LRRTM4: variants seen among roughly 807,000 people sequenced by gnomAD.
The protein encoded by LRRTM4 is leucine rich repeat transmembrane neuronal 4, also known as leucine-rich repeat transmembrane neuronal protein 4.
Under a neutral mutation model 47.6 loss-of-function variants are expected in LRRTM4, and 25 were observed. The ratio of observed to expected loss-of-function variants is 0.53; its 90% CI spans 0.38 to 0.73. LRRTM4 has a LOEUF of 0.73. Ranked by LOEUF, LRRTM4 falls within the 30% of genes least tolerant of loss-of-function variation. LRRTM4 has a pLI of 0.00. For synonymous variants in LRRTM4, 311 were observed against 269.5 expected (o/e 1.15, Z -1.51); for missense variants, 638 against 713.4 (o/e 0.89, Z 1.20).
At chr2:76,948,170 A>T (rs926326676) in intron 3 of LRRTM4, among the ~76,000 whole-genome samples, 3 of 151,868 alleles carry the variant, frequency 2.0e-5, no homozygotes, top group Non-Finnish European at 4.4e-5. Flanking sequence ...TCAATGACAA[A>T]AAAAGTAGGA....
intron 3 of LRRTM4, among the ~76,000 whole-genome samples, chr2:76,782,876 A>G (rs1249694859): frequency 6.6e-6 from 1 of 152,172 alleles, no homozygotes; most frequent in African/African-American, 2.4e-5. Flanking sequence ...TTAAATCGCT[A>G]TTGGGGAAGT....
intron 3 of LRRTM4, among the ~76,000 whole-genome samples, chr2:76,954,423 C>G (rs1039928415): frequency 1.3e-5 from 2 of 151,374 alleles, no homozygotes; most frequent in African/African-American, 4.9e-5. Flanking sequence ...GAAAAATTCA[C>G]TACAGTTTCT....
intron 3 of LRRTM4, among the ~76,000 whole-genome samples, chr2:77,477,928 AAAG>A (rs1677492532): frequency 8.7e-6 from 1 of 114,312 alleles, no homozygotes; most frequent in Non-Finnish European, 2.0e-5. Flanking sequence ...AGAAAGAAAG[AAAG>A]AAAGAAAGAA....
At chr2:77,521,943 G>C (rs940593174) in intron 1 of LRRTM4, 125 bp from the exon 2 acceptor site, 7 of 568,492 alleles carry the variant, frequency 1.2e-5, no homozygotes, top group African/African-American at 3.9e-5. Context: ...GAAGCCGTTG[G>C]GGGGATAGGG....
chr2:77,343,379 A>G (rs1215547885), intron 3 of LRRTM4, among the ~76,000 whole-genome samples: 1 of 151,994 alleles, frequency 6.6e-6, no homozygotes, highest in Admixed American at 6.6e-5. Context: ...GAATTAAAAC[A>G]TTAGGATTTC....
chr2:76,942,521 T>C (rs537956933), intron 3 of LRRTM4, among the ~76,000 whole-genome samples: 2 of 146,608 alleles, frequency 1.4e-5, no homozygotes, highest in Admixed American at 1.4e-4. Flanking sequence ...ATAAAAACAT[T>C]CTCAGAGTTT....
At chr2:77,049,155 T>TATATATATATAC (rs1553377463) in intron 3 of LRRTM4, among the ~76,000 whole-genome samples, 1 of 125,806 alleles carries the variant, frequency 7.9e-6, no homozygotes, top group Non-Finnish European at 1.6e-5. Flanking sequence ...TATATATATA[T>TATATATATATAC]ATACACACAC....
rs544013016 is a variant in LRRTM4, at chr2:76,975,992, T to C, written c.1552-227076A>G. On this transcript the variant is annotated intron_variant, in intron 3 of 3. Coordinates refer to ENST00000409884, the MANE Select transcript of LRRTM4 (RefSeq NM_001134745.3). ...TCTGGACTTAGGTTTTCTTCATTTC[T>C]TGCTTCTAATTCTTTGGGGAAATGG... is the stretch of plus-strand genomic sequence containing the variant. Among the ~76,000 whole-genome samples the C allele has an allele frequency of 5.4e-4, 82 of 151,988 alleles. No homozygotes were observed. The South Asian group carries it at 0.017, about 31-fold the overall frequency.
At chr2:77,050,088 T>A (rs1384902971) in intron 3 of LRRTM4, among the ~76,000 whole-genome samples, 1 of 151,526 alleles carries the variant, frequency 6.6e-6, no homozygotes, top group African/African-American at 2.4e-5. Flanking sequence ...GAGTACCCAA[T>A]AGGCTTCTAG....
intron 3 of LRRTM4, among the ~76,000 whole-genome samples, chr2:76,886,320 C>G (rs1411904984): frequency 6.6e-6 from 1 of 152,044 alleles, no homozygotes; most frequent in Non-Finnish European, 1.5e-5. Flanking sequence ...ATTAGACAAC[C>G]TTAAACTTGC....
intron 3 of LRRTM4, among the ~76,000 whole-genome samples, chr2:77,188,259 C>G (rs1446708581): frequency 6.6e-6 from 1 of 152,132 alleles, no homozygotes; most frequent in African/African-American, 2.4e-5. Flanking sequence ...TCTACTCCAC[C>G]TTTATTTGCT....
At chr2:77,162,513 G>T (rs1438838779) in intron 3 of LRRTM4, among the ~76,000 whole-genome samples, 1 of 152,178 alleles carries the variant, frequency 6.6e-6, no homozygotes, top group African/African-American at 2.4e-5. Flanking sequence ...GAGATGGACA[G>T]ACTGCCTCCT....
intron 3 of LRRTM4, among the ~76,000 whole-genome samples, chr2:77,394,094 T>G (rs1202075506): frequency 6.6e-6 from 1 of 151,964 alleles, no homozygotes; most frequent in Non-Finnish European, 1.5e-5. Context: ...TGTATTGTAA[T>G]GTAGCTGTAG....
At chr2:77,163,737 C>A (rs1480179844) in intron 3 of LRRTM4, among the ~76,000 whole-genome samples, 1 of 152,076 alleles carries the variant, frequency 6.6e-6, no homozygotes, top group Non-Finnish European at 1.5e-5. Context: ...ATAAATAAAA[C>A]CCTTTACAGA....
At chr2:77,059,111 C>T (rs1679702119) in intron 3 of LRRTM4, among the ~76,000 whole-genome samples, 1 of 152,092 alleles carries the variant, frequency 6.6e-6, no homozygotes, top group South Asian at 2.1e-4. Flanking sequence ...CTAAACTTGG[C>T]AATGGTTTTC....
chr2:77,461,942 A>G lies in LRRTM4; in HGVS notation c.1551+56376T>C, dbSNP rs183862384. On this transcript the variant is annotated intron_variant, in intron 3 of 3. Transcript: ENST00000409884. Reference sequence around the variant, plus strand: ...GCTCTTTCTGTATGTATTAATTAACATCAGTCAGTCCATAACACTTGAGCA... The same window carrying G: ...GCTCTTTCTGTATGTATTAATTAACGTCAGTCAGTCCATAACACTTGAGCA... Among the ~76,000 whole-genome samples the G allele has an allele frequency of 1.6e-3, 251 of 152,262 alleles. 3 individuals are homozygous for G. Among genetic ancestry groups the G allele is most frequent in the African/African-American group, 5.9e-3 (245 of 41,578 alleles).
At chr2:76,841,166 A>G (rs1164822730) in intron 3 of LRRTM4, among the ~76,000 whole-genome samples, 2 of 151,572 alleles carry the variant, frequency 1.3e-5, no homozygotes, top group Admixed American at 6.6e-5. Flanking sequence ...TCAGCAAGCT[A>G]TCGCAAGGAC....
At chr2:76,942,998 G>T (rs911092562) in intron 3 of LRRTM4, among the ~76,000 whole-genome samples, 4 of 151,982 alleles carry the variant, frequency 2.6e-5, no homozygotes, top group Admixed American at 6.6e-5. Flanking sequence ...CTATACAAAA[G>T]AACAAGAGCA....
intron 3 of LRRTM4, among the ~76,000 whole-genome samples, chr2:77,386,344 C>G (rs1158452958): frequency 6.6e-6 from 1 of 152,074 alleles, no homozygotes; most frequent in African/African-American, 2.4e-5. Context: ...TCAAGTATAT[C>G]TAATAAGTGA....
Sources: allele counts gnomAD v4.1 joint callset (sites outside exome capture counted in the v4.1 genomes callset), GRCh38; gene constraint gnomAD v4.1.1; transcripts MANE v1.5; gene names NCBI Gene and HGNC (gene_info 2026-07-23, HGNC 2026-07-21).